The following CSMD1 variants were observed in gnomAD, a reference collection of about 807,000 sequenced individuals.
CSMD1 encodes the protein CUB and sushi domain-containing protein 1.
Under a neutral mutation model 417.5 loss-of-function variants are expected in CSMD1, and 213 were observed. The observed-to-expected ratio is 0.51, with a 90% CI of 0.46 to 0.57. The LOEUF (loss-of-function observed/expected upper bound fraction) is 0.57. Among genes scored for constraint, CSMD1 ranks in the 20% least tolerant of loss-of-function variants. The probability of loss-of-function intolerance (pLI) is 0.00; values close to 1 mark genes in which losing one functional copy is unlikely to be tolerated. For synonymous variants in CSMD1, 2,862 were observed against 1,736.8 expected, an observed-to-expected ratio of 1.65 and a Z score of -16.11; for missense variants, 6,923 against 4,529.7, an observed-to-expected ratio of 1.53 and a Z score of -15.17.
chr8:4,955,441 G>C (rs891686882), intron 1 of CSMD1, among the ~76,000 whole-genome samples: 13 of 147,988 alleles, frequency 8.8e-5, no homozygotes, highest in Non-Finnish European at 1.6e-4. Context: ...TACTTCGACC[G>C]CAACTCTCAC....
chr8:3,211,919 A>T (rs1208267070), intron 30 of CSMD1, among the ~76,000 whole-genome samples: 1 of 152,108 alleles, frequency 6.6e-6, no homozygotes, highest in Non-Finnish European at 1.5e-5. Context: ...GCAAGACAAG[A>T]GGGGGTGGAG....
chr8:4,008,125 G>A (rs184162040), intron 4 of CSMD1, among the ~76,000 whole-genome samples: 120 of 152,170 alleles, frequency 7.9e-4, no homozygotes, highest in Middle Eastern at 3.4e-3. Flanking sequence ...TAAAGTCAAG[G>A]CAGGTAGAGA....
chr8:4,305,121 A>C (rs924545199), intron 3 of CSMD1, among the ~76,000 whole-genome samples: 11 of 152,216 alleles, frequency 7.2e-5, no homozygotes, highest in African/African-American at 1.2e-4. Context: ...TTTCAAAAAT[A>C]ATATTGCGGA....
intron 1 of CSMD1, among the ~76,000 whole-genome samples, chr8:4,822,538 C>T (rs1213971604): frequency 6.6e-6 from 1 of 152,060 alleles, no homozygotes; most frequent in East Asian, 1.9e-4. Flanking sequence ...GTTATCCCAC[C>T]TGTGACTTAA....
At chr8:4,348,162 A>G (rs34184584) in intron 3 of CSMD1, among the ~76,000 whole-genome samples, 18,656 of 152,164 alleles carry the variant, frequency 0.12, 1,622 homozygotes, top group African/African-American at 0.24. Flanking sequence ...TTTAAAACAT[A>G]TTTACTGCAT....
At chr8:3,837,143 C>T (rs116248950) in intron 5 of CSMD1, among the ~76,000 whole-genome samples, 2,180 of 130,840 alleles carry the variant, frequency 0.017, 42 homozygotes, top group African/African-American at 0.047. Context: ...AAAGTGTAGT[C>T]ACTAAAGGAA....
chr8:4,259,270 C>T (rs547698602), intron 3 of CSMD1, among the ~76,000 whole-genome samples: 60 of 152,292 alleles, frequency 3.9e-4, no homozygotes, highest in African/African-American at 1.3e-3. Flanking sequence ...AGCAACCCCC[C>T]TCCCTGGCTG....
chr8:3,940,173 A>G (rs1052002458), intron 5 of CSMD1, among the ~76,000 whole-genome samples: 14 of 152,174 alleles, frequency 9.2e-5, no homozygotes, highest in African/African-American at 3.1e-4. Flanking sequence ...TGTTTCAAAC[A>G]TGAAAGATCT....
In CSMD1 at chr8:3,303,359, C is replaced by G. The variant is rs137933328; in HGVS notation, c.3950+4336G>C. Among the ~76,000 whole-genome samples, 17 of 152,250 alleles carry G rather than the reference C, an allele frequency of 1.1e-4. 1 individual carries two copies. The highest frequency in any genetic ancestry group is 5.8e-4 in the East Asian group (3 of 5,174). ...AATTTCACTCTAATCTCTCTAAAAG[C>G]TGATGCCACTAGAAAGAAAATCCAG... On this transcript the variant is annotated intron_variant, in intron 25 of 69. Coordinates refer to ENST00000635120, the MANE Select transcript of CSMD1 (RefSeq NM_033225.6).
intron 40 of CSMD1, among the ~76,000 whole-genome samples, chr8:3,144,211 C>T (rs920471603): frequency 7.9e-5 from 12 of 152,064 alleles, no homozygotes; most frequent in Non-Finnish European, 1.3e-4. Context: ...TCATGTCACA[C>T]GGGAAATGGC....
chr8:4,520,175 T>G (rs1036418467), intron 2 of CSMD1, among the ~76,000 whole-genome samples: 5 of 152,292 alleles, frequency 3.3e-5, no homozygotes, highest in Admixed American at 6.5e-5. Flanking sequence ...TGGCTCTGTT[T>G]CCAAACTCAT....
chr8:3,764,357 A>G (rs1339479431), intron 5 of CSMD1, among the ~76,000 whole-genome samples: 2 of 152,120 alleles, frequency 1.3e-5, no homozygotes, highest in Non-Finnish European at 2.9e-5. Flanking sequence ...TCTGCTCTAA[A>G]CCACATTACA....
intron 3 of CSMD1, among the ~76,000 whole-genome samples, chr8:4,342,153 T>TA (rs1440190004): frequency 6.6e-6 from 1 of 151,990 alleles, no homozygotes. Flanking sequence ...TAAGACTGTC[T>TA]ACCAAGCCAC....
intron 3 of CSMD1, among the ~76,000 whole-genome samples, chr8:4,250,055 G>A (rs1462465412): frequency 2.6e-5 from 4 of 152,118 alleles, no homozygotes; most frequent in Non-Finnish European, 5.9e-5. Context: ...AATAAAGAGG[G>A]CTCTCAGAGT....
At chr8:3,098,633 T>G (rs985197238) in intron 46 of CSMD1, among the ~76,000 whole-genome samples, 2 of 152,224 alleles carry the variant, frequency 1.3e-5, no homozygotes, top group Non-Finnish European at 2.9e-5. Context: ...AATTTTCTTC[T>G]GTGATGGTGA....
At position 3,644,976 on chromosome 8, in the gene CSMD1, A is replaced by AT. The variant is rs1159480607; in HGVS notation, c.1010-28180_1010-28179insA. Among the ~76,000 whole-genome samples, 13 of 150,774 alleles carry AT rather than the reference A, an allele frequency of 8.6e-5. No homozygotes were observed. In the East Asian group the frequency reaches 1.8e-3, roughly 20 times the overall value. On this transcript the variant is annotated intron_variant, in intron 7 of 69. Transcript: ENST00000635120. ...ACTAAGGCTTTAAATGAAAAAAAAA[A>AT]AAAAAAAAAAAAAAAGTCAATTGTT...
intron 5 of CSMD1, among the ~76,000 whole-genome samples, chr8:3,785,792 C>T (rs73658266): frequency 2.0e-5 from 3 of 152,022 alleles, no homozygotes; most frequent in African/African-American, 4.8e-5. Context: ...GTAGGTAGGT[C>T]CAGGCTGCGG....
At chr8:3,433,771 A>T (rs12677640) in intron 12 of CSMD1, among the ~76,000 whole-genome samples, 1 of 152,010 alleles carries the variant, frequency 6.6e-6, no homozygotes. Flanking sequence ...TTCCCTACGT[A>T]AGACTTCAGA....
At chr8:3,741,960 C>T (rs1796828148) in intron 6 of CSMD1, among the ~76,000 whole-genome samples, 1 of 147,750 alleles carries the variant, frequency 6.8e-6, no homozygotes, top group South Asian at 2.2e-4. Context: ...TCTAATTCCA[C>T]TTTTTCCAAA....
Sources: gnomAD v4.1 joint callset for allele counts (sites outside exome capture counted in the v4.1 genomes callset) on GRCh38, gnomAD v4.1.1 for gene constraint, MANE v1.5 for transcripts, NCBI Gene and HGNC (gene_info 2026-07-23, HGNC 2026-07-21) for gene names.